The following PTER variants were observed in gnomAD, a reference collection of about 807,000 sequenced individuals.
The protein encoded by PTER is phosphotriesterase related, also known as N-acetyltaurine hydrolase.
Under a neutral mutation model 29.6 loss-of-function variants are expected in PTER, and 38 were observed. The ratio of observed to expected loss-of-function variants is 1.28; its 90% CI spans 0.99 to 1.68. PTER has a LOEUF of 1.68. PTER is among the 40% of genes most tolerant of loss of function. The pLI, the probability that PTER is intolerant of heterozygous loss-of-function variation, is 0.00. For synonymous variants in PTER, 172 were observed against 154.5 expected (o/e 1.11, Z -0.84); for missense variants, 482 against 427.8 (o/e 1.13, Z -1.12).
chr10:16,518,650 T>C (rs1836989238), downstream of PTER, among the ~76,000 whole-genome samples: 1 of 152,272 alleles, frequency 6.6e-6, no homozygotes, highest in African/African-American at 2.4e-5. Flanking sequence ...CCCTTCTTTT[T>C]TCATGCAATT....
intron 1 of PTER, 160 bp downstream of exon 1, chr10:16,437,207 C>A (rs1833681124): frequency 6.6e-6 from 1 of 152,206 alleles, no homozygotes; most frequent in Non-Finnish European, 1.5e-5. Context: ...TGGGCCCTGC[C>A]GCCTCTCCTT....
intron 3 of PTER, among the ~76,000 whole-genome samples, chr10:16,501,366 CACAT>C (rs55900969): frequency 0.29 from 25,832 of 88,876 alleles, 2,231 homozygotes; most frequent in East Asian, 0.52. Context: ...CACACACACA[CACAT>C]GCACACACAC....
chr10:16,474,775 T>C (rs534284719), intron 1 of PTER, among the ~76,000 whole-genome samples: 1 of 152,156 alleles, frequency 6.6e-6, no homozygotes, highest in African/African-American at 2.4e-5. Context: ...TAATCCCAGC[T>C]ACTCAGGAGG....
chr10:16,494,036 A>G (rs1836001657), intron 3 of PTER, among the ~76,000 whole-genome samples: 1 of 152,110 alleles, frequency 6.6e-6, no homozygotes, highest in African/African-American at 2.4e-5. Flanking sequence ...CATTCCCATG[A>G]AATGTGACAT....
chr10:16,505,306 G>C (rs1198409035), intron 4 of PTER, 146 bp downstream of exon 4: 28 of 1,067,140 alleles, frequency 2.6e-5, no homozygotes, highest in Non-Finnish European at 3.6e-5. Flanking sequence ...TGCTGTTTCA[G>C]GGAGAAAAAT....
At chr10:16,506,790 A>C (rs1216353214) in intron 4 of PTER, among the ~76,000 whole-genome samples, 1 of 152,050 alleles carries the variant, frequency 6.6e-6, no homozygotes, top group Non-Finnish European at 1.5e-5. Context: ...GATTTAGGGC[A>C]GCACTGTGTA....
intron 1 of PTER, among the ~76,000 whole-genome samples, chr10:16,456,587 T>A (rs1252687407): frequency 6.6e-6 from 1 of 152,204 alleles, no homozygotes; most frequent in African/African-American, 2.4e-5. Flanking sequence ...AGAATAGCTC[T>A]GCTTGTTCTT....
chr10:16,467,059 T>C (rs1311613847), intron 1 of PTER, among the ~76,000 whole-genome samples: 1 of 152,216 alleles, frequency 6.6e-6, no homozygotes, highest in African/African-American at 2.4e-5. Flanking sequence ...TGCTGTTATT[T>C]TTTTATATGC....
chr10:16,446,202 C>T (rs996148794), intron 1 of PTER, among the ~76,000 whole-genome samples: 3 of 150,386 alleles, frequency 2.0e-5, no homozygotes, highest in African/African-American at 4.9e-5. Context: ...GTGCAATGCA[C>T]GCCACCCCAC....
intron 4 of PTER, 125 bp downstream of exon 4, chr10:16,505,285 A>C: frequency 8.3e-7 from 1 of 1,210,098 alleles, no homozygotes. Flanking sequence ...TTGCAGAGAA[A>C]AATATATCTA....
intron 1 of PTER, among the ~76,000 whole-genome samples, chr10:16,441,666 T>G (rs1347395073): frequency 6.6e-6 from 1 of 152,232 alleles, no homozygotes; most frequent in Non-Finnish European, 1.5e-5. Flanking sequence ...TGATGATAAA[T>G]TGCTTGGACG....
At chr10:16,487,829 T>C (rs757132700) in intron 3 of PTER, among the ~76,000 whole-genome samples, 7 of 152,200 alleles carry the variant, frequency 4.6e-5, no homozygotes, top group Non-Finnish European at 1.0e-4. Flanking sequence ...TATTAACATA[T>C]TGATAAATCC....
At chr10:16,454,090 G>A (rs529822020) in intron 1 of PTER, among the ~76,000 whole-genome samples, 8 of 152,216 alleles carry the variant, frequency 5.3e-5, no homozygotes, top group Non-Finnish European at 8.8e-5. Flanking sequence ...ATGTCATCCC[G>A]TCTGTGTCTA....
intron 1 of PTER, among the ~76,000 whole-genome samples, chr10:16,472,004 C>G (rs1449814681): frequency 1.3e-5 from 2 of 152,218 alleles, no homozygotes; most frequent in Non-Finnish European, 2.9e-5. Flanking sequence ...TCCACGCTCA[C>G]TACAATCTTC....
At chr10:16,447,674 C>T (rs1382943041) in intron 1 of PTER, among the ~76,000 whole-genome samples, 1 of 152,150 alleles carries the variant, frequency 6.6e-6, no homozygotes, top group African/African-American at 2.4e-5. Flanking sequence ...TATACTATCT[C>T]TGACTATAAG....
intron 3 of PTER, among the ~76,000 whole-genome samples, chr10:16,498,752 G>C (rs966610197): frequency 5.3e-5 from 8 of 152,192 alleles, no homozygotes; most frequent in African/African-American, 1.9e-4. Context: ...ATGGCACACA[G>C]AGTTCATTTT....
intron 1 of PTER, among the ~76,000 whole-genome samples, chr10:16,472,472 G>A (rs574276682): frequency 6.6e-6 from 1 of 152,222 alleles, no homozygotes; most frequent in East Asian, 1.9e-4. Context: ...TTTTATAAAT[G>A]GGAGTTCCCC....
chr10:16,508,668 A>T (rs1196920599), intron 4 of PTER, among the ~76,000 whole-genome samples: 1 of 150,028 alleles, frequency 6.7e-6, no homozygotes, highest in Non-Finnish European at 1.5e-5. Context: ...AATAAAAATT[A>T]TTATAATATA....
chr10:16,468,733 G>A (rs1834936195), intron 1 of PTER, among the ~76,000 whole-genome samples: 1 of 152,126 alleles, frequency 6.6e-6, no homozygotes, highest in South Asian at 2.1e-4. Flanking sequence ...CCATTACTTT[G>A]GGGGCCAAGG....
Sources: allele counts gnomAD v4.1 joint callset (sites outside exome capture counted in the v4.1 genomes callset), GRCh38; gene constraint gnomAD v4.1.1; transcripts MANE v1.5; gene names NCBI Gene and HGNC (gene_info 2026-07-23, HGNC 2026-07-21).